Variants in SGK3 observed in about 807,000 individuals in gnomAD.
SGK3 encodes the protein serum/glucocorticoid regulated kinase family member 3, also known as serine/threonine-protein kinase Sgk3.
In SGK3, 47 loss-of-function variants were observed where a neutral mutation model predicts 68.5. That is an observed-to-expected ratio of 0.69 (90% CI 0.54 to 0.87). The LOEUF (loss-of-function observed/expected upper bound fraction) is 0.87, where lower values mean the gene tolerates loss of function less well. Ranked by LOEUF, SGK3 falls within the 40% of genes least tolerant of loss-of-function variation. The pLI is 0.00. For missense variants in SGK3, 479 were observed against 575.5 expected (o/e 0.83, Z 1.72); for synonymous variants, 181 against 189.1 (o/e 0.96, Z 0.35).
intron 10 of SGK3, among the ~76,000 whole-genome samples, chr8:66,838,539 G>A (rs1452497927): frequency 1.3e-5 from 2 of 152,120 alleles, no homozygotes; most frequent in East Asian, 3.9e-4. Context: ...AAGCATCTAA[G>A]TGCAGGTGAG....
intron 1 of SGK3, among the ~76,000 whole-genome samples, chr8:66,736,915 G>A (rs937289771): frequency 2.6e-5 from 4 of 151,466 alleles, no homozygotes; most frequent in Admixed American, 1.3e-4. Context: ...CACCGTGCCC[G>A]GCCCACCCAG....
Position 66,840,093 on chromosome 8 carries a change from C to A in SGK3, c.832C>A (p.His278Asn). Residue 278 changes from histidine to asparagine, a missense_variant, in exon 11 of 17, where the codon CAT (histidine) becomes AAT (asparagine). Coordinates refer to ENST00000521198, the MANE Select transcript of SGK3 (RefSeq NM_001033578.3). ...AATTGCTAGTGCATTGGGTTACTTA[C>A]ATTCCATCAAAATAGTATACAGGTA... is the stretch of plus-strand genomic sequence containing the variant. ...AEIASALGYL[H>N]SIKIVYRDLK... is the part of the protein sequence containing the mutation. The A allele has an allele frequency of 6.2e-6, 10 of 1,613,898 alleles. No individual in the cohort carries two copies. The highest frequency in any genetic ancestry group is 8.5e-6 in the Non-Finnish European group (10 of 1,179,916).
chr8:66,765,893 C>G (rs558552963), intron 1 of SGK3, among the ~76,000 whole-genome samples: 1 of 151,800 alleles, frequency 6.6e-6, no homozygotes, highest in Non-Finnish European at 1.5e-5. Flanking sequence ...GGCGCCATGG[C>G]GGGCACCTGT....
intron 1 of SGK3, among the ~76,000 whole-genome samples, chr8:66,757,079 A>C (rs1271308991): frequency 6.6e-6 from 1 of 151,414 alleles, no homozygotes; most frequent in African/African-American, 2.4e-5. Flanking sequence ...CATAGTGCAA[A>C]AGGGCAGGAA....
At chr8:66,771,756 T>C (rs1806518884) in intron 1 of SGK3, among the ~76,000 whole-genome samples, 1 of 152,158 alleles carries the variant, frequency 6.6e-6, no homozygotes, top group African/African-American at 2.4e-5. Flanking sequence ...AAAATAATCA[T>C]GGACTGATTA....
intron 1 of SGK3, among the ~76,000 whole-genome samples, chr8:66,753,822 A>C (rs1805898738): frequency 6.6e-6 from 1 of 152,160 alleles, no homozygotes; most frequent in Non-Finnish European, 1.5e-5. Flanking sequence ...TCCCTCTCAA[A>C]AAAAAGAAAA....
intron 1 of SGK3, among the ~76,000 whole-genome samples, chr8:66,775,849 C>G (rs1806687180): frequency 6.6e-6 from 1 of 151,272 alleles, no homozygotes; most frequent in Non-Finnish European, 1.5e-5. Context: ...GACTTCGGAG[C>G]TAAAATCATG....
intron 1 of SGK3, among the ~76,000 whole-genome samples, chr8:66,719,236 T>C (rs1473670526): frequency 6.6e-6 from 1 of 152,248 alleles, no homozygotes; most frequent in African/African-American, 2.4e-5. Flanking sequence ...CATAAATTTG[T>C]GTATCTATAT....
chr8:66,836,953 A>G (rs990022214), intron 10 of SGK3, among the ~76,000 whole-genome samples: 1 of 152,028 alleles, frequency 6.6e-6, no homozygotes, highest in African/African-American at 2.4e-5. Flanking sequence ...CAAAACTCTG[A>G]TTCAGATGGA....
intron 14 of SGK3, among the ~76,000 whole-genome samples, chr8:66,844,539 C>T (rs1303740057): frequency 6.6e-6 from 1 of 152,148 alleles, no homozygotes; most frequent in African/African-American, 2.4e-5. Flanking sequence ...GCTCAGATAG[C>T]TTTATAAGAG....
chr8:66,813,926 C>T lies in SGK3; in HGVS notation c.327C>T (p.Asn109=), dbSNP rs1808479379. The T allele has an allele frequency of 6.3e-7, 1 of 1,582,480 alleles. No individual in the cohort carries two copies. Among genetic ancestry groups the T allele is most frequent in the African/African-American group, 1.4e-5 (1 of 73,840 alleles). The change falls in exon 5 of 17, where the codon AAC becomes AAT. Residue 109 remains asparagine, a splice_region_variant and synonymous_variant. Transcript: ENST00000521198. ...QNLVRYPELY[N]HPDVRAFLQM... Reference sequence around the variant, plus strand: ...TAGTTAGGTATCCAGAACTTTATAACCAGTAAGTAATTTTTGTTGCGTTCT... The same window carrying T: ...TAGTTAGGTATCCAGAACTTTATAATCAGTAAGTAATTTTTGTTGCGTTCT...
intron 1 of SGK3, among the ~76,000 whole-genome samples, chr8:66,752,180 C>T (rs1585668124): frequency 6.6e-6 from 1 of 152,260 alleles, no homozygotes; most frequent in East Asian, 1.9e-4. Context: ...AGGGTGGAAG[C>T]TGATGACGTT....
intron 3 of SGK3, among the ~76,000 whole-genome samples, chr8:66,802,418 G>A (rs1424907099): frequency 6.6e-6 from 1 of 152,244 alleles, no homozygotes; most frequent in East Asian, 1.9e-4. Flanking sequence ...GCCAGGAACA[G>A]TGGCTCACAA....
chr8:66,839,027 C>G (rs1030009656), intron 10 of SGK3, among the ~76,000 whole-genome samples: 3 of 152,070 alleles, frequency 2.0e-5, no homozygotes, highest in Admixed American at 6.6e-5. Context: ...GAGATATCAA[C>G]ATTGAGGTGG....
At chr8:66,768,846 T>C (rs1391978180) in intron 1 of SGK3, among the ~76,000 whole-genome samples, 1 of 152,186 alleles carries the variant, frequency 6.6e-6, no homozygotes, top group Non-Finnish European at 1.5e-5. Context: ...GTGTTGAGAT[T>C]ACAGACATGA....
chr8:66,779,603 A>AT (rs1563623107), intron 1 of SGK3, among the ~76,000 whole-genome samples: 31 of 122,290 alleles, frequency 2.5e-4, no homozygotes, highest in East Asian at 2.1e-3. Context: ...TATATATATA[A>AT]AACACATTTT....
intron 16 of SGK3, among the ~76,000 whole-genome samples, chr8:66,853,545 T>A (rs1355546973): frequency 1.3e-5 from 2 of 152,196 alleles, no homozygotes; most frequent in South Asian, 4.1e-4. Context: ...AGTATTTCTA[T>A]GATGAATGTT....
intron 12 of SGK3, 126 bp downstream of exon 12, chr8:66,840,373 AAAACGGTAG>A: frequency 1.0e-6 from 1 of 972,322 alleles, no homozygotes; most frequent in Non-Finnish European, 1.5e-6. Flanking sequence ...TCAAAATGAC[AAAACGGTAG>A]GGATGGAGAA....
intron 1 of SGK3, among the ~76,000 whole-genome samples, chr8:66,761,970 A>C (rs531956762): frequency 6.6e-6 from 1 of 152,276 alleles, no homozygotes; most frequent in East Asian, 1.9e-4. Flanking sequence ...CAAATCCCAA[A>C]CATCAGATTG....
Sources: gnomAD v4.1 joint callset for allele counts (sites outside exome capture counted in the v4.1 genomes callset) on GRCh38, gnomAD v4.1.1 for gene constraint, MANE v1.5 for transcripts, NCBI Gene and HGNC (gene_info 2026-07-23, HGNC 2026-07-21) for gene names.